Variants in LEPR observed in about 807,000 individuals in gnomAD.
LEPR encodes OB receptor.
In LEPR, 56 loss-of-function variants were observed where a neutral mutation model predicts 114.7. The observed-to-expected ratio is 0.49, with a 90% CI of 0.39 to 0.61. The LOEUF is 0.61. LEPR is among the 20% of genes least tolerant of loss of function. The pLI, the probability that LEPR is intolerant of heterozygous loss-of-function variation, is 0.00. For synonymous variants in LEPR, 443 were observed against 461.4 expected, an observed-to-expected ratio of 0.96 and a Z score of 0.51; for missense variants, 1,202 against 1,352.9, an observed-to-expected ratio of 0.89 and a Z score of 1.75.
At chr1:65,539,821 GGTA>G (rs982260882) in intron 2 of LEPR, among the ~76,000 whole-genome samples, 1 of 152,142 alleles carries the variant, frequency 6.6e-6, no homozygotes, top group African/African-American at 2.4e-5. Flanking sequence ...GGAGCTCAGA[GGTA>G]GTAGGCATTG....
intron 2 of LEPR, among the ~76,000 whole-genome samples, chr1:65,532,628 A>G (rs916460940): frequency 6.6e-6 from 1 of 152,238 alleles, no homozygotes; most frequent in Non-Finnish European, 1.5e-5. Context: ...AGGTATATCC[A>G]TACAATGGAA....
At chr1:65,472,125 TAAAGC>T (rs1415128333) in intron 2 of LEPR, among the ~76,000 whole-genome samples, 1 of 152,140 alleles carries the variant, frequency 6.6e-6, no homozygotes, top group East Asian at 1.9e-4. Flanking sequence ...GTTCAAAAGA[TAAAGC>T]AAAGAGCAAC....
intron 2 of LEPR, among the ~76,000 whole-genome samples, chr1:65,545,889 A>C (rs1201704339): frequency 6.6e-6 from 1 of 151,882 alleles, no homozygotes; most frequent in African/African-American, 2.4e-5. Context: ...GCCCATGCCT[A>C]TGTCCTGAGT....
chr1:65,536,170 A>T (rs1334357593), intron 2 of LEPR, among the ~76,000 whole-genome samples: 3 of 152,128 alleles, frequency 2.0e-5, no homozygotes, highest in Non-Finnish European at 4.4e-5. Context: ...TGGCTTGGTG[A>T]CATCATCACA....
intron 2 of LEPR, 112 bp from the exon 3 acceptor site, chr1:65,565,434 T>C (rs1227936503): frequency 9.6e-7 from 1 of 1,037,292 alleles, no homozygotes; most frequent in Non-Finnish European, 1.4e-6. Context: ...GTATCACATG[T>C]AAATTTAGAG....
intron 2 of LEPR, among the ~76,000 whole-genome samples, chr1:65,442,696 A>G (rs1646664474): frequency 1.3e-5 from 2 of 152,254 alleles, no homozygotes; most frequent in Admixed American, 1.3e-4. Context: ...TACTTACAAT[A>G]TATACACTCA....
intron 15 of LEPR, among the ~76,000 whole-genome samples, chr1:65,616,888 T>A (rs1657559531): frequency 6.6e-6 from 1 of 152,166 alleles, no homozygotes. Context: ...AACTGTTACC[T>A]CCTTTATGAA....
intron 2 of LEPR, among the ~76,000 whole-genome samples, chr1:65,452,611 G>A (rs1320121013): frequency 6.6e-6 from 1 of 151,662 alleles, no homozygotes; most frequent in Non-Finnish European, 1.5e-5. Flanking sequence ...AACCAGCCTT[G>A]CATCCCAGGG....
intron 2 of LEPR, among the ~76,000 whole-genome samples, chr1:65,513,185 G>A (rs1358433312): frequency 1.3e-5 from 2 of 152,204 alleles, no homozygotes; most frequent in Non-Finnish European, 2.9e-5. Flanking sequence ...CTCTTGCTAT[G>A]TGGCCTCTGA....
intron 2 of LEPR, among the ~76,000 whole-genome samples, chr1:65,517,419 T>G (rs1233616664): frequency 6.6e-6 from 1 of 152,238 alleles, no homozygotes; most frequent in African/African-American, 2.4e-5. Flanking sequence ...CCTGACCATC[T>G]TGAAAATAAG....
At chr1:65,426,420 T>C (rs1014358016) in intron 2 of LEPR, among the ~76,000 whole-genome samples, 2 of 151,974 alleles carry the variant, frequency 1.3e-5, no homozygotes, top group Non-Finnish European at 2.9e-5. Flanking sequence ...TGGGAAAATA[T>C]CTTGAGAATG....
intron 2 of LEPR, among the ~76,000 whole-genome samples, chr1:65,546,282 G>A (rs1308497472): frequency 6.6e-6 from 1 of 152,194 alleles, no homozygotes; most frequent in Admixed American, 6.5e-5. Flanking sequence ...GATTGACTTG[G>A]CGATGCGGGC....
At chr1:65,428,322 C>T (rs946262221) in intron 2 of LEPR, among the ~76,000 whole-genome samples, 2 of 151,976 alleles carry the variant, frequency 1.3e-5, no homozygotes, top group African/African-American at 4.8e-5. Flanking sequence ...CACTGTATTC[C>T]AGGAAAAATT....
intron 14 of LEPR, among the ~76,000 whole-genome samples, chr1:65,610,693 C>G (rs1657111069): frequency 6.6e-6 from 1 of 152,198 alleles, no homozygotes; most frequent in Admixed American, 6.5e-5. Flanking sequence ...CCAAGGGCAT[C>G]TAACACATGA....
At chr1:65,421,415 C>T in intron 1 of LEPR, 1 of 1,536,040 alleles carries the variant, frequency 6.5e-7, no homozygotes, top group Non-Finnish European at 8.7e-7. Context: ...GGCTTCAGAG[C>T]AATGCGAGAC....
At chr1:65,516,587 C>A (rs531642960) in intron 2 of LEPR, among the ~76,000 whole-genome samples, 1 of 152,328 alleles carries the variant, frequency 6.6e-6, no homozygotes, top group South Asian at 2.1e-4. Flanking sequence ...TGTCAAGTGA[C>A]CCCCAAAATT....
At position 65,565,550 on chromosome 1, in the gene LEPR, A is replaced by G; in HGVS notation, c.-16A>G. 1 of 1,613,830 alleles carries G rather than the reference A, an allele frequency of 6.2e-7. No homozygotes were observed. ...TTTTAGATTTACCTTTTCCAGGTGT[A>G]CTTCTCTGAAGTAAGATGATTTGTC... is the stretch of plus-strand genomic sequence containing the variant. On this transcript the variant is annotated 5_prime_UTR_variant, in exon 3 of 20. Transcript: ENST00000349533.
intron 2 of LEPR, among the ~76,000 whole-genome samples, chr1:65,437,507 A>C (rs1188403606): frequency 6.6e-6 from 1 of 151,924 alleles, no homozygotes; most frequent in Non-Finnish European, 1.5e-5. Context: ...GTGAAGTGAA[A>C]AGAGCCAGTC....
chr1:65,432,136 A>G, intron 2 of LEPR: 1 of 1,228,158 alleles, frequency 8.1e-7, no homozygotes, highest in Non-Finnish European at 1.0e-6. Flanking sequence ...AAATTATGTT[A>G]CTTGTTTGGC....
Sources: allele counts gnomAD v4.1 joint callset (sites outside exome capture counted in the v4.1 genomes callset), GRCh38; gene constraint gnomAD v4.1.1; transcripts MANE v1.5; gene names NCBI Gene and HGNC (gene_info 2026-07-23, HGNC 2026-07-21).